PTPRG: variants seen among roughly 807,000 people sequenced by gnomAD.
The protein encoded by PTPRG is receptor-type tyrosine-protein phosphatase gamma.
Under a neutral mutation model 165.3 loss-of-function variants are expected in PTPRG, and 102 were observed. The observed-to-expected ratio is 0.62, with a 90% confidence interval of 0.53 to 0.73. PTPRG has a LOEUF of 0.73. Ranked by LOEUF, PTPRG falls within the 30% of genes least tolerant of loss-of-function variation. The pLI, the probability that PTPRG is intolerant of heterozygous loss-of-function variation, is 0.00. For synonymous variants in PTPRG, 675 were observed against 669.5 expected, an observed-to-expected ratio of 1.01 and a Z score of -0.13; for missense variants, 1,866 against 1,861.4, an observed-to-expected ratio of 1.00 and a Z score of -0.05.
intron 1 of PTPRG, among the ~76,000 whole-genome samples, chr3:61,611,192 A>G (rs1473436602): frequency 6.6e-6 from 1 of 152,238 alleles, no homozygotes; most frequent in Non-Finnish European, 1.5e-5. Flanking sequence ...ACTTAGAGCC[A>G]GTAAAACGTG....
At chr3:61,934,178 T>G (rs2039430764) in intron 2 of PTPRG, among the ~76,000 whole-genome samples, 1 of 152,200 alleles carries the variant, frequency 6.6e-6, no homozygotes, top group African/African-American at 2.4e-5. Flanking sequence ...TCTCATCACA[T>G]TAAGTTTTAT....
intron 2 of PTPRG, among the ~76,000 whole-genome samples, chr3:61,949,129 G>A (rs11924395): frequency 0.015 from 2,204 of 150,640 alleles, 59 homozygotes; most frequent in African/African-American, 0.05. Context: ...CCTGGTTTTC[G>A]TCACCAAGGG....
intron 2 of PTPRG, among the ~76,000 whole-genome samples, chr3:61,831,704 T>C (rs1176347099): frequency 1.3e-5 from 2 of 152,224 alleles, no homozygotes; most frequent in African/African-American, 4.8e-5. Flanking sequence ...ACCATGGAAA[T>C]AGAGAAAAAG....
In PTPRG at chr3:61,636,741, A is replaced by G. The variant is rs551173404; in HGVS notation, c.85+74369A>G. On this transcript the variant is annotated intron_variant, in intron 1 of 29. Coordinates refer to ENST00000474889, the MANE Select transcript of PTPRG (RefSeq NM_002841.4). ...ATTTGGGTAGTTTCCACTTTTGACTATCATGAATAGTGCTGATCTAAACAT... is the reference window on the plus strand; with the variant it reads ...ATTTGGGTAGTTTCCACTTTTGACTGTCATGAATAGTGCTGATCTAAACAT... Among the ~76,000 whole-genome samples, 9 of 152,290 alleles carry G rather than the reference A, an allele frequency of 5.9e-5. No individual in the cohort carries two copies. The East Asian group carries it at 1.5e-3, about 26-fold the overall frequency.
Position 61,747,790 on chromosome 3 carries a change from AT to A in PTPRG, c.86-1077del, listed in dbSNP as rs554297918. Among the ~76,000 whole-genome samples, 1,046 of 147,456 alleles carry A rather than the reference AT, an allele frequency of 7.1e-3. 7 individuals carry two copies. Among genetic ancestry groups the A allele is most frequent in the Admixed American group, 0.012 (183 of 14,830 alleles). The stretch of plus-strand genomic sequence containing the variant: ...ATACAGCTTCCCAAAACTTTCTTAA[AT>A]TTTTTTTTTTCTCTTTGAAAGCAGG... On this transcript the variant is annotated intron_variant, in intron 1 of 29. Transcript: ENST00000474889.
intron 2 of PTPRG, among the ~76,000 whole-genome samples, chr3:61,752,576 AG>A (rs1406038778): frequency 2.0e-5 from 3 of 152,074 alleles, no homozygotes; most frequent in Admixed American, 1.3e-4. Context: ...GCAGATCACG[AG>A]GTCAGGAGTT....
At chr3:61,910,027 A>G (rs1234374440) in intron 2 of PTPRG, among the ~76,000 whole-genome samples, 1 of 151,968 alleles carries the variant, frequency 6.6e-6, no homozygotes, top group East Asian at 1.9e-4. Flanking sequence ...CTCATATTCC[A>G]TTCTTTTTTC....
intron 2 of PTPRG, among the ~76,000 whole-genome samples, chr3:61,963,896 G>A (rs1429315390): frequency 6.6e-6 from 1 of 152,054 alleles, no homozygotes; most frequent in Non-Finnish European, 1.5e-5. Context: ...ACCTCAGAAG[G>A]CAAGGGTATA....
chr3:61,708,646 A>G (rs2031389156), intron 1 of PTPRG, among the ~76,000 whole-genome samples: 1 of 151,144 alleles, frequency 6.6e-6, no homozygotes. Flanking sequence ...TTTAGTAGAG[A>G]TGGGGTTTCA....
intron 2 of PTPRG, among the ~76,000 whole-genome samples, chr3:61,776,082 A>G (rs546670447): frequency 1.6e-5 from 1 of 62,776 alleles, no homozygotes; most frequent in Admixed American, 2.2e-4. Flanking sequence ...TATAATAATA[A>G]TAAAATTAAA....
chr3:62,068,369 A>G (rs536852250), intron 4 of PTPRG, among the ~76,000 whole-genome samples: 21 of 152,260 alleles, frequency 1.4e-4, no homozygotes, highest in Admixed American at 9.2e-4. Flanking sequence ...TTGCTCCGTC[A>G]AGCAGGTAAG....
intron 1 of PTPRG, among the ~76,000 whole-genome samples, chr3:61,670,171 T>C (rs1317163747): frequency 6.6e-6 from 1 of 152,230 alleles, no homozygotes; most frequent in East Asian, 1.9e-4. Flanking sequence ...AGCTTTCCTT[T>C]AGCCGAATCT....
intron 28 of PTPRG, among the ~76,000 whole-genome samples, chr3:62,288,152 A>C (rs1438260282): frequency 1.3e-5 from 2 of 152,026 alleles, no homozygotes; most frequent in African/African-American, 4.8e-5. Context: ...AAAAAAAAAA[A>C]AAAAACAGCC....
Position 62,222,438 on chromosome 3 carries a change from G to C in PTPRG, c.2288+3455G>C, listed in dbSNP as rs1364014928. On this transcript the variant is annotated intron_variant, in intron 13 of 29. Transcript: ENST00000474889. The surrounding 1 kb of genome is among the most constrained non-coding windows in gnomAD (Gnocchi z 4.5). ...TTACATGTCTCCACCCCAGTGCAAA[G>C]GGAATCTTTCTTCTCTAATAGTTCC... is the stretch of plus-strand genomic sequence containing the variant. Among the ~76,000 whole-genome samples, 1 of 152,230 alleles carries C rather than the reference G, an allele frequency of 6.6e-6. No individual in the cohort carries two copies. The highest frequency in any genetic ancestry group is 2.4e-5 in the African/African-American group (1 of 41,472).
rs964117539 is a variant in PTPRG, at chr3:62,183,367, C to T, written c.1034-8102C>T. Among the ~76,000 whole-genome samples, 6 of 152,084 alleles carry T rather than the reference C, an allele frequency of 3.9e-5. No individual in the cohort carries two copies. In the East Asian group the frequency reaches 9.7e-4, roughly 25 times the overall value. On this transcript the variant is annotated intron_variant, in intron 8 of 29. Transcript: ENST00000474889. ...TCACTTGAGGTCAGGAGTTCGAGAC[C>T]AGCCTGGCCAGCATGGCGAAACTCT...
At chr3:61,864,712 C>T (rs575282198) in intron 2 of PTPRG, among the ~76,000 whole-genome samples, 1 of 152,072 alleles carries the variant, frequency 6.6e-6, no homozygotes, top group Non-Finnish European at 1.5e-5. Flanking sequence ...ATAACACAGG[C>T]GTTTTAAGGT....
intron 6 of PTPRG, among the ~76,000 whole-genome samples, chr3:62,135,678 A>G (rs1018200186): frequency 6.6e-6 from 1 of 152,168 alleles, no homozygotes; most frequent in African/African-American, 2.4e-5. Flanking sequence ...AGTGCAAGAA[A>G]GATTTTTGGC....
intron 24 of PTPRG, chr3:62,276,660 CTA>C (rs1195900261): frequency 3.4e-6 from 1 of 296,492 alleles, no homozygotes; most frequent in Non-Finnish European, 6.2e-6. Flanking sequence ...GAATAACAAA[CTA>C]GAGTCAAAAG....
chr3:61,710,722 G>A (rs778825347), intron 1 of PTPRG, among the ~76,000 whole-genome samples: 6 of 151,912 alleles, frequency 3.9e-5, no homozygotes, highest in Non-Finnish European at 5.9e-5. Flanking sequence ...CTAAAAGATT[G>A]GATACCTCTG....
Sources: allele counts gnomAD v4.1 joint callset (sites outside exome capture counted in the v4.1 genomes callset), GRCh38; gene constraint gnomAD v4.1.1; non-coding constraint Gnocchi (gnomAD v3.1); transcripts MANE v1.5; gene names NCBI Gene and HGNC (gene_info 2026-07-23, HGNC 2026-07-21).